The following UBE2E1 variants were observed in gnomAD, a reference collection of about 807,000 sequenced individuals.
UBE2E1 encodes ubiquitin conjugating enzyme E2 E1.
Under a neutral mutation model 21.4 loss-of-function variants are expected in UBE2E1, and 6 were observed. The ratio of observed to expected loss-of-function variants is 0.28; its 90% CI spans 0.15 to 0.55. The LOEUF (loss-of-function observed/expected upper bound fraction) is 0.55, where lower values mean the gene tolerates loss of function less well. Ranked by LOEUF, UBE2E1 falls within the 20% of genes least tolerant of loss-of-function variation. The pLI, the probability that UBE2E1 is intolerant of heterozygous loss-of-function variation, is 0.93. For synonymous variants in UBE2E1, 87 were observed against 82.7 expected (o/e 1.05, Z -0.28); for missense variants, 142 against 236.5 (o/e 0.60, Z 2.62).
At chr3:23,837,106 A>G (rs541887457) in intron 3 of UBE2E1, among the ~76,000 whole-genome samples, 1 of 152,358 alleles carries the variant, frequency 6.6e-6, no homozygotes, top group South Asian at 2.1e-4. Context: ...GATAGGGATA[A>G]TAATGCCTAC....
At chr3:23,869,351 CTTTTTTTTT>C (rs58059005) in intron 3 of UBE2E1, among the ~76,000 whole-genome samples, 4,270 of 114,578 alleles carry the variant, frequency 0.037, 125 homozygotes, top group Non-Finnish European at 0.053. Flanking sequence ...TTATGGTATC[CTTTTTTTTT>C]TTTTTTTTTT....
At chr3:23,860,041 A>G (rs1700519518) in intron 3 of UBE2E1, among the ~76,000 whole-genome samples, 1 of 152,212 alleles carries the variant, frequency 6.6e-6, no homozygotes, top group Admixed American at 6.5e-5. Flanking sequence ...TGCACACAGC[A>G]GATGTGTAAG....
At chr3:23,889,724 G>T in intron 5 of UBE2E1, 1 of 985,284 alleles carries the variant, frequency 1.0e-6, no homozygotes, top group Non-Finnish European at 1.2e-6. Flanking sequence ...CTATTGAATT[G>T]TGACTTTTTT....
chr3:23,871,864 G>T (rs992048973), intron 3 of UBE2E1, among the ~76,000 whole-genome samples: 5 of 151,754 alleles, frequency 3.3e-5, no homozygotes, highest in Non-Finnish European at 7.4e-5. Flanking sequence ...TGGCGGCGGG[G>T]CAGAGACGCT....
Position 23,807,418 on chromosome 3 carries a change from A to G in UBE2E1, c.149A>G (p.Lys50Arg), listed in dbSNP as rs749415679. The G allele has an allele frequency of 3.7e-6, 6 of 1,609,770 alleles. No homozygotes were observed. The South Asian group carries it at 6.6e-5, about 18-fold the overall frequency. ...KNSKLLSTSA[K>R]RIQKELADIT... ...TCCAAACTCCTCTCCACCAGCGCCA[A>G]GAGGTACTGTGCTCTTTTTTTTTTC... is the stretch of plus-strand genomic sequence containing the variant. Residue 50 changes from lysine (K) to arginine (R), a missense_variant, in exon 2 of 6, where the codon AAG (lysine) becomes AGG (arginine). Around this residue, in one of 2 missense-constraint regions of UBE2E1, gnomAD observed 87 missense variants for 184.9 expected, o/e 0.47. Transcript: ENST00000306627.
chr3:23,883,103 T>C (rs1701093797), intron 3 of UBE2E1, among the ~76,000 whole-genome samples: 2 of 152,186 alleles, frequency 1.3e-5, no homozygotes, highest in South Asian at 2.1e-4. Context: ...ATCTTTTCTT[T>C]AGTATCAATT....
At chr3:23,861,230 A>G (rs532256103) in intron 3 of UBE2E1, among the ~76,000 whole-genome samples, 1 of 152,146 alleles carries the variant, frequency 6.6e-6, no homozygotes. Flanking sequence ...TTTTGTTTCC[A>G]TTGCCAGTGC....
chr3:23,862,992 T>C (rs1575024367), intron 3 of UBE2E1, among the ~76,000 whole-genome samples: 1 of 152,198 alleles, frequency 6.6e-6, no homozygotes, highest in South Asian at 2.1e-4. Flanking sequence ...TCCCAATAGT[T>C]TTCATTTTTA....
At chr3:23,828,565 T>G (rs1699801672) in intron 3 of UBE2E1, among the ~76,000 whole-genome samples, 1 of 152,160 alleles carries the variant, frequency 6.6e-6, no homozygotes, top group African/African-American at 2.4e-5. Flanking sequence ...CAATAAAACA[T>G]TAGAGTCACC....
intron 3 of UBE2E1, among the ~76,000 whole-genome samples, chr3:23,833,002 C>G (rs551987832): frequency 6.6e-6 from 1 of 152,206 alleles, no homozygotes; most frequent in East Asian, 1.9e-4. Context: ...CCATTGTACT[C>G]CAGCCTGGGC....
rs1205710547 is a variant in UBE2E1 at position 23,870,764 on chromosome 3, A to G, written c.204-16803A>G. On this transcript the variant is annotated intron_variant, in intron 3 of 5. Transcript: ENST00000306627. The surrounding 1 kb of genome is among the most constrained non-coding windows in gnomAD (Gnocchi z 4.2). Reference sequence around the variant, plus strand: ...GGGTCATAGGACAATAGTGGAGGGAAGGTCAGCAGATAAACAAGTGAACAA... The same window carrying G: ...GGGTCATAGGACAATAGTGGAGGGAGGGTCAGCAGATAAACAAGTGAACAA... 2.0e-5 allele frequency among the ~76,000 whole-genome samples: 3 copies of G among 152,088 alleles called. No individual in the cohort carries two copies. The highest frequency in any genetic ancestry group is 7.3e-5 in the African/African-American group (3 of 41,370).
At chr3:23,824,205 T>TA (rs1699703970) in intron 3 of UBE2E1, among the ~76,000 whole-genome samples, 1 of 152,202 alleles carries the variant, frequency 6.6e-6, no homozygotes. Flanking sequence ...ATGATTTTGG[T>TA]AAAAAAGTAA....
At chr3:23,890,333 C>CGTTAT (rs1701363801) in intron 5 of UBE2E1, among the ~76,000 whole-genome samples, 176 bp from the exon 6 acceptor site, 1 of 152,130 alleles carries the variant, frequency 6.6e-6, no homozygotes, top group African/African-American at 2.4e-5. Context: ...CTTCCCCCAA[C>CGTTAT]GTTATGTTTT....
Position 23,876,582 on chromosome 3 carries a change from T to A in UBE2E1, c.204-10985T>A. Reference sequence around the variant, plus strand: ...ATAGGGAATGTAGATGTAATTGGATTTTTTTTTCATATAAGCATTTTGTAA... The same window carrying A: ...ATAGGGAATGTAGATGTAATTGGATATTTTTTTCATATAAGCATTTTGTAA... On this transcript the variant is annotated intron_variant, in intron 3 of 5. Coordinates refer to ENST00000306627, the MANE Select transcript of UBE2E1 (RefSeq NM_003341.5). This position sits in a 1 kb window ranked among gnomAD's most constrained non-coding sequence, Gnocchi z 4.3. Among the ~76,000 whole-genome samples the A allele has an allele frequency of 6.6e-6, 1 of 152,082 alleles. No individual in the cohort carries two copies. Among genetic ancestry groups the A allele is most frequent in the Non-Finnish European group, 1.5e-5 (1 of 68,002 alleles).
chr3:23,877,070 C>T (rs895935392), intron 3 of UBE2E1, among the ~76,000 whole-genome samples: 2 of 152,144 alleles, frequency 1.3e-5, no homozygotes, highest in African/African-American at 4.8e-5. Context: ...TCCTCTGTAG[C>T]TGGCTTCTCA....
In UBE2E1 at chr3:23,887,728, T is replaced by A; in HGVS notation, c.336+29T>A. On this transcript the variant is annotated intron_variant, in intron 4 of 5. Coordinates refer to ENST00000306627, the MANE Select transcript of UBE2E1 (RefSeq NM_003341.5). This position sits in a 1 kb window ranked among gnomAD's most constrained non-coding sequence, Gnocchi z 4.4. ...AGAAATCTCCCTGTATGCTCAAATT[T>A]ACTAATTCCCACAAGAGAGCAACTG... is the stretch of plus-strand genomic sequence containing the variant. 1 of 1,585,232 alleles carries A rather than the reference T, an allele frequency of 6.3e-7. No individual in the cohort carries two copies. The highest frequency in any genetic ancestry group is 2.2e-5 in the East Asian group (1 of 44,708).
intron 5 of UBE2E1, chr3:23,889,560 A>G: frequency 7.3e-7 from 1 of 1,375,966 alleles, no homozygotes; most frequent in Non-Finnish European, 9.3e-7. Context: ...TTTCCCATAG[A>G]GTTCTTATAA....
At chr3:23,882,803 G>C (rs1701081771) in intron 3 of UBE2E1, among the ~76,000 whole-genome samples, 1 of 152,212 alleles carries the variant, frequency 6.6e-6, no homozygotes, top group South Asian at 2.1e-4. Context: ...ACTGCCTGGG[G>C]CCAGTGGCGC....
In UBE2E1 at chr3:23,823,568, G is replaced by A. The variant is rs1287592290; in HGVS notation, c.203+12058G>A. Among the ~76,000 whole-genome samples the A allele has an allele frequency of 1.3e-5, 2 of 152,272 alleles. No individual in the cohort carries two copies. The highest frequency in any genetic ancestry group is 1.9e-4 in the East Asian group (1 of 5,188). ...TTTAAGTTAATATATTAGAATTGGTGTTATAAAAATTTATTTCTTAGCAGA... is the reference window on the plus strand; with the variant it reads ...TTTAAGTTAATATATTAGAATTGGTATTATAAAAATTTATTTCTTAGCAGA... On this transcript the variant is annotated intron_variant, in intron 3 of 5. Coordinates refer to ENST00000306627, the MANE Select transcript of UBE2E1 (RefSeq NM_003341.5). This position sits in a 1 kb window ranked among gnomAD's most constrained non-coding sequence, Gnocchi z 4.2.
Sources: gnomAD v4.1 joint callset for allele counts (sites outside exome capture counted in the v4.1 genomes callset) on GRCh38, gnomAD v4.1.1 for gene constraint, gnomAD v4.1.1 regional missense constraint, Gnocchi (gnomAD v3.1) non-coding constraint, MANE v1.5 for transcripts, NCBI Gene and HGNC (gene_info 2026-07-23, HGNC 2026-07-21) for gene names.